OPN5: variants seen among roughly 807,000 people sequenced by gnomAD.
The protein encoded by OPN5 is opsin-5.
In OPN5, 18 loss-of-function variants were observed where a neutral mutation model predicts 41.7. The observed-to-expected ratio is 0.43, with a 90% CI of 0.30 to 0.64. The LOEUF (loss-of-function observed/expected upper bound fraction) is 0.64. Among genes scored for constraint, OPN5 ranks in the 30% least tolerant of loss-of-function variants. The probability of loss-of-function intolerance (pLI) is 0.13; values close to 1 mark genes in which losing one functional copy is unlikely to be tolerated. For missense variants in OPN5, 318 were observed against 434.5 expected (o/e 0.73, Z 2.38); for synonymous variants, 178 against 164.3 (o/e 1.08, Z -0.64).
intron 4 of OPN5, among the ~76,000 whole-genome samples, chr6:47,807,649 C>T (rs1774025768): frequency 6.6e-6 from 1 of 152,060 alleles, no homozygotes; most frequent in Admixed American, 6.6e-5. Flanking sequence ...ACCTGAGTCT[C>T]ACACCTGACA....
chr6:47,812,411 A>G (rs889924000), intron 6 of OPN5, among the ~76,000 whole-genome samples: 1 of 152,168 alleles, frequency 6.6e-6, no homozygotes, highest in Non-Finnish European at 1.5e-5. Context: ...TATGAGTTGT[A>G]ATTGCTTAAG....
intron 4 of OPN5, among the ~76,000 whole-genome samples, chr6:47,800,330 G>C (rs554364326): frequency 2.6e-5 from 4 of 152,152 alleles, no homozygotes; most frequent in African/African-American, 9.7e-5. Context: ...TATGCAATGG[G>C]TGCTTGCTAC....
At chr6:47,822,722 C>G (rs940754785) in intron 6 of OPN5, among the ~76,000 whole-genome samples, 8 of 152,176 alleles carry the variant, frequency 5.3e-5, no homozygotes, top group African/African-American at 9.7e-5. Flanking sequence ...GGAGTCTGTT[C>G]TGTAGGCAGA....
intron 6 of OPN5, among the ~76,000 whole-genome samples, chr6:47,820,961 C>T (rs140354855): frequency 1.3e-5 from 2 of 152,026 alleles, no homozygotes; most frequent in African/African-American, 4.8e-5. Context: ...ATACTGTATT[C>T]TTATAATAAA....
chr6:47,793,973 G>A (rs188856342), intron 3 of OPN5, among the ~76,000 whole-genome samples: 12 of 151,792 alleles, frequency 7.9e-5, no homozygotes, highest in African/African-American at 2.4e-4. Context: ...GACACAAAAT[G>A]CCATGTATTT....
intron 2 of OPN5, 113 bp from the exon 3 acceptor site, chr6:47,791,689 G>C: frequency 1.3e-6 from 1 of 758,216 alleles, no homozygotes; most frequent in South Asian, 1.7e-5. Flanking sequence ...AAGGGTGTGT[G>C]TGTGCGTTCA....
intron 6 of OPN5, among the ~76,000 whole-genome samples, chr6:47,821,848 C>T (rs1581766150): frequency 1.3e-5 from 2 of 152,088 alleles, no homozygotes; most frequent in East Asian, 3.9e-4. Context: ...GGCATGGTGG[C>T]TCATACCTGT....
chr6:47,807,128 G>C (rs1380199899), intron 4 of OPN5, among the ~76,000 whole-genome samples: 1 of 152,174 alleles, frequency 6.6e-6, no homozygotes, highest in East Asian at 1.9e-4. Context: ...CTGCATTCCA[G>C]CCTGGGCAAC....
intron 4 of OPN5, among the ~76,000 whole-genome samples, chr6:47,802,036 T>C (rs1338498466): frequency 6.6e-6 from 1 of 152,250 alleles, no homozygotes; most frequent in African/African-American, 2.4e-5. Flanking sequence ...GCTGAAAGCC[T>C]TCTGTATCTG....
chr6:47,802,325 T>C (rs1188183802), intron 4 of OPN5, among the ~76,000 whole-genome samples: 1 of 152,176 alleles, frequency 6.6e-6, no homozygotes, highest in Non-Finnish European at 1.5e-5. Context: ...TTGATCTCAA[T>C]GTAAACTGCA....
chr6:47,790,425 C>G (rs1212449393), intron 2 of OPN5, among the ~76,000 whole-genome samples: 1 of 152,152 alleles, frequency 6.6e-6, no homozygotes, highest in Admixed American at 6.5e-5. Flanking sequence ...CTGTGTCTCT[C>G]TCTCATAGAG....
intron 4 of OPN5, among the ~76,000 whole-genome samples, chr6:47,802,769 T>G (rs1326904155): frequency 6.6e-6 from 1 of 152,182 alleles, no homozygotes; most frequent in Non-Finnish European, 1.5e-5. Context: ...AGCCAGCCAC[T>G]GCCTAGTCAG....
chr6:47,801,008 C>T (rs1009876496), intron 4 of OPN5, among the ~76,000 whole-genome samples: 2 of 152,158 alleles, frequency 1.3e-5, no homozygotes, highest in African/African-American at 2.4e-5. Context: ...CTCTTAGTGT[C>T]CCTTATTTAT....
chr6:47,819,693 C>T (rs1762543523), intron 6 of OPN5, among the ~76,000 whole-genome samples: 5 of 151,900 alleles, frequency 3.3e-5, no homozygotes, highest in Admixed American at 3.3e-4. Context: ...AAGCGATATT[C>T]CAGAAAATAC....
chr6:47,805,218 G>A (rs1429622004), intron 4 of OPN5, among the ~76,000 whole-genome samples: 4 of 152,150 alleles, frequency 2.6e-5, no homozygotes, highest in Admixed American at 6.5e-5. Flanking sequence ...GGTAAGCTTC[G>A]TAGAAAGATA....
chr6:47,791,753 G>T (rs1433305909), intron 2 of OPN5, 49 bp from the exon 3 acceptor site: 3 of 1,577,528 alleles, frequency 1.9e-6, no homozygotes, highest in South Asian at 2.3e-5. Context: ...GGTAGGTGGG[G>T]AAATAGTAAC....
intron 1 of OPN5, among the ~76,000 whole-genome samples, chr6:47,784,843 T>G (rs1047475889): frequency 1.3e-5 from 2 of 152,222 alleles, no homozygotes; most frequent in Non-Finnish European, 2.9e-5. Flanking sequence ...TGATATAGGA[T>G]TTGATAATCT....
chr6:47,812,046 A>T (rs1158715038), intron 6 of OPN5, among the ~76,000 whole-genome samples: 1 of 152,154 alleles, frequency 6.6e-6, no homozygotes, highest in Non-Finnish European at 1.5e-5. Flanking sequence ...GTTTTATATT[A>T]GGGGGTTATT....
At chr6:47,825,667 AT>A (rs1247378905), downstream of OPN5, 2 of 152,314 alleles carry the variant, frequency 1.3e-5, no homozygotes, top group South Asian at 2.1e-4. Context: ...ACCTTGGTTG[AT>A]TTTGACTGTA....
Sources: gnomAD v4.1 joint callset for allele counts (sites outside exome capture counted in the v4.1 genomes callset) on GRCh38, gnomAD v4.1.1 for gene constraint, MANE v1.5 for transcripts, NCBI Gene and HGNC (gene_info 2026-07-23, HGNC 2026-07-21) for gene names.